The following UNC93A variants were observed in gnomAD, a reference collection of about 807,000 sequenced individuals.
UNC93A encodes the protein N-acetylglucosamine transporter UNC93A.
A neutral mutation model predicts 47.5 loss-of-function variants in UNC93A; 43 were observed. The observed-to-expected ratio is 0.91, with a 90% CI of 0.71 to 1.17. The LOEUF is 1.17. Ranked by LOEUF, UNC93A falls within the 50% of genes most tolerant of loss-of-function variation. The probability of loss-of-function intolerance (pLI) is 0.00; values close to 1 mark genes in which losing one functional copy is unlikely to be tolerated. For missense variants in UNC93A, 605 were observed against 577.6 expected, an observed-to-expected ratio of 1.05 and a Z score of -0.49; for synonymous variants, 280 against 258.0, an observed-to-expected ratio of 1.09 and a Z score of -0.82.
chr6:167,269,952 C>T (rs1218986955), upstream of UNC93A, among the ~76,000 whole-genome samples: 13 of 151,096 alleles, frequency 8.6e-5, no homozygotes, highest in Middle Eastern at 3.4e-3. Context: ...TACAGGGGGT[C>T]CTGCATTTGT....
intron 7 of UNC93A, among the ~76,000 whole-genome samples, chr6:167,313,609 C>T (rs1010899583): frequency 5.9e-5 from 9 of 152,034 alleles, no homozygotes; most frequent in Non-Finnish European, 1.2e-4. Flanking sequence ...TGACAGCAAC[C>T]CATATTCCCA....
intron 2 of UNC93A, 83 bp downstream of exon 2, chr6:167,294,781 G>A (rs1778004325): frequency 1.4e-6 from 2 of 1,421,048 alleles, no homozygotes; most frequent in East Asian, 2.4e-5. Flanking sequence ...AGTTGCATTT[G>A]CACCTGATTA....
rs916611609 is a variant in UNC93A, at chr6:167,292,442, G to T, written c.87+866G>T. ...AAGCACACCTGGGAACTCAGAATCCGAGGTTTCTCCTCTCACTGTTGTTGT... is the reference window on the plus strand; with the variant it reads ...AAGCACACCTGGGAACTCAGAATCCTAGGTTTCTCCTCTCACTGTTGTTGT... On this transcript the variant is annotated intron_variant, in intron 1 of 7. Transcript: ENST00000230256. 3.0e-4 allele frequency among the ~76,000 whole-genome samples: 45 copies of T among 152,214 alleles called. 1 individual carries two copies. Among genetic ancestry groups the T allele is most frequent in the Non-Finnish European group, 8.8e-5 (6 of 68,038 alleles).
At chr6:167,296,548 C>T (rs565747583) in intron 3 of UNC93A, among the ~76,000 whole-genome samples, 32 of 152,336 alleles carry the variant, frequency 2.1e-4, no homozygotes, top group African/African-American at 6.0e-4. Flanking sequence ...CTGAGGGCCA[C>T]GCCAGTAGAA....
At chr6:167,278,768 C>T (rs1439748138) in intron 1 of UNC93A, among the ~76,000 whole-genome samples, 3 of 152,230 alleles carry the variant, frequency 2.0e-5, no homozygotes, top group East Asian at 1.9e-4. Flanking sequence ...GGGGAGACCT[C>T]GCCTTCTCAG....
rs143198916 is a variant in UNC93A at position 167,302,334 on chromosome 6, T to C, written c.626-1585T>C. 2.3e-3 allele frequency among the ~76,000 whole-genome samples: 356 copies of C among 151,888 alleles called. 4 individuals carry two copies. Among genetic ancestry groups the C allele is most frequent in the Middle Eastern group, 3.4e-3 (1 of 292 alleles). ...ATAAGGTTGGTCAGGCACAGTAAGA[T>C]AGGATAATTCCCGTCGTCTTTAGAG... On this transcript the variant is annotated intron_variant, in intron 4 of 7. Transcript: ENST00000230256.
upstream of UNC93A, among the ~76,000 whole-genome samples, chr6:167,289,552 A>G (rs1451146367): frequency 2.0e-5 from 3 of 152,152 alleles, no homozygotes; most frequent in African/African-American, 4.8e-5. Flanking sequence ...GGATGGAAAC[A>G]GACCAGGTTT....
At chr6:167,295,004 T>A (rs558212545) in intron 2 of UNC93A, among the ~76,000 whole-genome samples, 1 of 152,166 alleles carries the variant, frequency 6.6e-6, no homozygotes, top group African/African-American at 2.4e-5. Flanking sequence ...AGGGTTCCAG[T>A]AACACAGGGG....
At position 167,315,601 on chromosome 6, in the gene UNC93A, A is replaced by T; in HGVS notation, c.*149A>T. On this transcript the variant is annotated 3_prime_UTR_variant, in exon 8 of 8. Transcript: ENST00000230256. ...GATCATGTTATTTCACTCTTCATGT[A>T]TTTTTTTTCTATTCTAACAAATTTT... The T allele has an allele frequency of 1.9e-6, 2 of 1,029,906 alleles. No individual in the cohort carries two copies. Among genetic ancestry groups the T allele is most frequent in the East Asian group, 2.7e-5 (1 of 37,440 alleles). 63.8% of individuals were successfully genotyped at this position (1,029,906 alleles called of 1,614,324 possible).
chr6:167,285,705 C>G (rs1240026137), intron 1 of UNC93A, among the ~76,000 whole-genome samples: 1 of 151,490 alleles, frequency 6.6e-6, no homozygotes, highest in Non-Finnish European at 1.5e-5. Flanking sequence ...GGCAGCAGCT[C>G]AACCAGGAGA....
chr6:167,292,896 G>A (rs1783872927), intron 1 of UNC93A, among the ~76,000 whole-genome samples: 1 of 152,006 alleles, frequency 6.6e-6, no homozygotes, highest in Admixed American at 6.6e-5. Context: ...CTCCCCTGGG[G>A]TCAGCATTCC....
At position 167,315,338 on chromosome 6, in the gene UNC93A, G is replaced by C. The variant is rs766281465; in HGVS notation, c.1260G>C (p.Leu420=). ...KLYILLGVLS[L]TMVAYGLVEC... ...ACATTCTGCTGGGGGTCCTGAGCCTGACCATGGTGGCGTATGGGCTTGTGG... is the reference window on the plus strand; with the variant it reads ...ACATTCTGCTGGGGGTCCTGAGCCTCACCATGGTGGCGTATGGGCTTGTGG... Residue 420 remains leucine, a synonymous_variant, in exon 8 of 8, where the codon CTG becomes CTC. Transcript: ENST00000230256. 13 of 1,613,928 alleles carry C rather than the reference G, an allele frequency of 8.1e-6. No homozygotes were observed. The highest frequency in any genetic ancestry group is 1.0e-5 in the Non-Finnish European group (12 of 1,179,882).
rs563368367 is a variant in UNC93A, at chr6:167,275,524, C to G, written c.-52+4066C>G. 3.3e-5 allele frequency among the ~76,000 whole-genome samples: 5 copies of G among 152,338 alleles called. No individual in the cohort carries two copies. The South Asian group carries it at 1.0e-3, about 32-fold the overall frequency. ...AAGGGCAGTCAGCGGGGGGATCTTC[C>G]AGGAACTCTTGGTCATGAGAGTGGT... On this transcript the variant is annotated intron_variant, in intron 1 of 3. Transcript: ENST00000503433.
chr6:167,302,974 C>G (rs925315256), intron 4 of UNC93A, among the ~76,000 whole-genome samples: 3 of 152,196 alleles, frequency 2.0e-5, no homozygotes, highest in Non-Finnish European at 4.4e-5. Flanking sequence ...TCCAGCGTGT[C>G]CGCACCATAG....
At chr6:167,294,837 C>T in intron 2 of UNC93A, 139 bp downstream of exon 2, 2 of 933,438 alleles carry the variant, frequency 2.1e-6, no homozygotes, top group East Asian at 5.4e-5. Context: ...GCCCCTGCAC[C>T]CCCGCCTCGC....
At chr6:167,300,053 A>G (rs1426201747) in intron 4 of UNC93A, among the ~76,000 whole-genome samples, 1 of 140,956 alleles carries the variant, frequency 7.1e-6, no homozygotes, top group Non-Finnish European at 1.5e-5. Context: ...TGGGTTGGAC[A>G]TGGTGTGGGG....
intron 5 of UNC93A, 22 bp downstream of exon 5, chr6:167,304,155 G>C (rs777296783): frequency 9.9e-6 from 16 of 1,612,784 alleles, no homozygotes; most frequent in African/African-American, 1.3e-5. Flanking sequence ...AGTGAGGGCC[G>C]GTGGCTCAGG....
chr6:167,270,649 A>G (rs549644818), upstream of UNC93A, among the ~76,000 whole-genome samples: 39 of 152,290 alleles, frequency 2.6e-4, 1 homozygote, highest in South Asian at 8.1e-3. Context: ...AGCTGGGGTC[A>G]ACTAGAGCAG....
intron 1 of UNC93A, among the ~76,000 whole-genome samples, chr6:167,281,625 G>A (rs1783635653): frequency 6.6e-6 from 1 of 152,166 alleles, no homozygotes; most frequent in African/African-American, 2.4e-5. Context: ...GCCTGTGTGT[G>A]GTGAGGGGAG....
Sources: gnomAD v4.1 joint callset for allele counts (sites outside exome capture counted in the v4.1 genomes callset) on GRCh38, gnomAD v4.1.1 for gene constraint, MANE v1.5 for transcripts, NCBI Gene and HGNC (gene_info 2026-07-23, HGNC 2026-07-21) for gene names.